Variants in TAFA1 observed in about 807,000 individuals in gnomAD.
TAFA1 encodes the protein chemokine-like protein TAFA-1.
In TAFA1, 4 loss-of-function variants were observed where a neutral mutation model predicts 18.5. That is an observed-to-expected ratio of 0.22 (90% confidence interval 0.11 to 0.49). The LOEUF is 0.49. Ranked by LOEUF, TAFA1 falls within the 20% of genes least tolerant of loss-of-function variation. The pLI, the probability that TAFA1 is intolerant of heterozygous loss-of-function variation, is 0.98. For synonymous variants in TAFA1, 56 were observed against 55.2 expected, an observed-to-expected ratio of 1.01 and a Z score of -0.06; for missense variants, 147 against 169.0, an observed-to-expected ratio of 0.87 and a Z score of 0.72.
intron 2 of TAFA1, among the ~76,000 whole-genome samples, chr3:68,007,844 TCTTCTGTACAGCCCTCCAGCAATAC>T (rs1559699598): frequency 6.6e-6 from 1 of 152,048 alleles, no homozygotes; most frequent in Non-Finnish European, 1.5e-5. Context: ...GATACTAGGC[TCTTCTGTACAGCCCTCCAGCAATAC>T]CTTCCGGGGC....
rs571072650 is a variant in TAFA1 at position 68,176,081 on chromosome 3, G to A, written c.118+169337G>A. Among the ~76,000 whole-genome samples the A allele has an allele frequency of 3.3e-5, 5 of 152,326 alleles. No individual in the cohort carries two copies. In the South Asian group the frequency reaches 1.0e-3, roughly 32 times the overall value. On this transcript the variant is annotated intron_variant, in intron 2 of 4. Coordinates refer to ENST00000478136, the MANE Select transcript of TAFA1 (RefSeq NM_213609.4). ...TCTTTCCCTTCTGCCATGATTGTGAGACCTCCCCAGCCATGTGGAACTGTA... is the reference window on the plus strand; with the variant it reads ...TCTTTCCCTTCTGCCATGATTGTGAAACCTCCCCAGCCATGTGGAACTGTA...
At chr3:68,501,075 A>G (rs897481895) in intron 3 of TAFA1, among the ~76,000 whole-genome samples, 3 of 150,580 alleles carry the variant, frequency 2.0e-5, no homozygotes, top group African/African-American at 7.4e-5. Context: ...GAATCACTTG[A>G]ATCCAGGAGG....
chr3:68,213,388 T>G (rs1217153188), intron 2 of TAFA1, among the ~76,000 whole-genome samples: 3 of 152,094 alleles, frequency 2.0e-5, no homozygotes, highest in Non-Finnish European at 4.4e-5. Flanking sequence ...CTTTTTTCCC[T>G]TTTGCATCCT....
intron 3 of TAFA1, among the ~76,000 whole-genome samples, chr3:68,492,218 C>A (rs1510360): frequency 1.5e-4 from 23 of 151,996 alleles, no homozygotes; most frequent in Non-Finnish European, 2.8e-4. Flanking sequence ...GGATTAAAAA[C>A]GCTGTAGAAA....
At chr3:68,331,563 T>C (rs2068871057) in intron 2 of TAFA1, among the ~76,000 whole-genome samples, 2 of 152,252 alleles carry the variant, frequency 1.3e-5, no homozygotes, top group South Asian at 4.1e-4. Context: ...AAGATGTTTA[T>C]TGTAAAGATT....
intron 2 of TAFA1, among the ~76,000 whole-genome samples, chr3:68,052,525 T>C (rs913595359): frequency 3.3e-5 from 5 of 152,194 alleles, no homozygotes; most frequent in African/African-American, 4.8e-5. Context: ...AGAACTCTGA[T>C]TGGGAGCTCT....
chr3:68,378,974 A>C (rs1054794219), intron 2 of TAFA1, among the ~76,000 whole-genome samples: 2 of 152,068 alleles, frequency 1.3e-5, no homozygotes, highest in Non-Finnish European at 2.9e-5. Flanking sequence ...TTTCTAAATT[A>C]CCCAGTCTCG....
At chr3:68,260,147 A>G (rs1274407123) in intron 2 of TAFA1, among the ~76,000 whole-genome samples, 1 of 152,164 alleles carries the variant, frequency 6.6e-6, no homozygotes, top group East Asian at 1.9e-4. Context: ...TTTAGCATGA[A>G]GCGTTGTTGA....
intron 2 of TAFA1, among the ~76,000 whole-genome samples, chr3:68,397,364 A>G (rs1456958438): frequency 6.6e-6 from 1 of 151,988 alleles, no homozygotes. Context: ...TTCTGTGTCC[A>G]TGTGTCCTCA....
At chr3:68,479,246 A>ATATATG (rs2072176805) in intron 3 of TAFA1, among the ~76,000 whole-genome samples, 1 of 137,830 alleles carries the variant, frequency 7.3e-6, no homozygotes, top group African/African-American at 2.7e-5. Flanking sequence ...AAAAAAATAT[A>ATATATG]TATATATATA....
chr3:68,521,735 CAG>C (rs1325402662), intron 3 of TAFA1, among the ~76,000 whole-genome samples: 1 of 150,122 alleles, frequency 6.7e-6, no homozygotes, highest in Non-Finnish European at 1.5e-5. Flanking sequence ...AACAATGACA[CAG>C]AACTCATAAG....
At chr3:68,321,977 CCAAAGA>C (rs2068702791) in intron 2 of TAFA1, among the ~76,000 whole-genome samples, 1 of 152,160 alleles carries the variant, frequency 6.6e-6, no homozygotes, top group African/African-American at 2.4e-5. Flanking sequence ...CTATCCATTC[CCAAAGA>C]CAGAGTTTTT....
At position 68,222,597 on chromosome 3, in the gene TAFA1, A is replaced by T. The variant is rs78408016; in HGVS notation, c.119-194683A>T. On this transcript the variant is annotated intron_variant, in intron 2 of 4. Coordinates refer to ENST00000478136, the MANE Select transcript of TAFA1 (RefSeq NM_213609.4). ...TCCATCTCAATGTGGCAGATTAAAC[A>T]TATTTTCTAATGGAGGATCATCAAC... 1.7e-3 allele frequency among the ~76,000 whole-genome samples: 263 copies of T among 152,302 alleles called. 3 individuals are homozygous for T. The highest frequency in any genetic ancestry group is 0.017 in the East Asian group (89 of 5,192).
chr3:68,027,474 C>T (rs1467935832), intron 2 of TAFA1, among the ~76,000 whole-genome samples: 1 of 152,128 alleles, frequency 6.6e-6, no homozygotes, highest in Non-Finnish European at 1.5e-5. Context: ...GGAAATGGCT[C>T]AGCTGTGGCC....
chr3:68,190,435 A>T (rs1357575925), intron 2 of TAFA1, among the ~76,000 whole-genome samples: 1 of 151,884 alleles, frequency 6.6e-6, no homozygotes, highest in African/African-American at 2.4e-5. Flanking sequence ...TTGTTTTCTG[A>T]ATACAAAATA....
intron 2 of TAFA1, among the ~76,000 whole-genome samples, chr3:68,308,118 A>G (rs1299825243): frequency 6.6e-6 from 1 of 152,162 alleles, no homozygotes; most frequent in Non-Finnish European, 1.5e-5. Context: ...ATGATGGAGC[A>G]TTCATGTGCT....
In TAFA1 at chr3:68,479,239, A is replaced by ATATATAT. The variant is rs1282917420; in HGVS notation, c.260-59517_260-59516insTATATAT. On this transcript the variant is annotated intron_variant, in intron 3 of 4. Coordinates refer to ENST00000478136, the MANE Select transcript of TAFA1 (RefSeq NM_213609.4). ...AGTGAGACTCCATCTCAAAAAAAAA[A>ATATATAT]AAATATATATATATATATATATATG... Among the ~76,000 whole-genome samples the ATATATAT allele has an allele frequency of 2.6e-3, 318 of 122,896 alleles. 1 individual carries two copies. The highest frequency in any genetic ancestry group is 0.012 in the African/African-American group (309 of 25,338). The allele number at this position is 122,896 out of a possible 152,430, so 80.6% of individuals were successfully genotyped here. A position where few individuals can be genotyped will look rare whatever the true frequency, so the allele number is the denominator to read the frequency against.
At chr3:68,541,413 C>T (rs71312511) in intron 4 of TAFA1, among the ~76,000 whole-genome samples, 12,023 of 152,174 alleles carry the variant, frequency 0.079, 1,174 homozygotes, top group East Asian at 0.24. Flanking sequence ...AAAATATGTT[C>T]TGTATTAATT....
chr3:67,999,404 C>T (rs1053357096), upstream of TAFA1, among the ~76,000 whole-genome samples: 22 of 152,190 alleles, frequency 1.4e-4, no homozygotes, highest in African/African-American at 2.2e-4. Context: ...TAATTTACCA[C>T]GTTCCCTTGA....
Sources: allele counts gnomAD v4.1 joint callset (sites outside exome capture counted in the v4.1 genomes callset), GRCh38; gene constraint gnomAD v4.1.1; transcripts MANE v1.5; gene names NCBI Gene and HGNC (gene_info 2026-07-23, HGNC 2026-07-21).